The following COL6A3 variants were observed in gnomAD, a reference collection of about 807,000 sequenced individuals.
COL6A3 encodes collagen alpha-3(VI) chain.
COL6A3 carries 137 observed loss-of-function variants against 274.1 expected under a neutral mutation model. The ratio of observed to expected loss-of-function variants is 0.50; its 90% confidence interval spans 0.44 to 0.58. The LOEUF (loss-of-function observed/expected upper bound fraction) is 0.58. Ranked by LOEUF, COL6A3 falls within the 20% of genes least tolerant of loss-of-function variation. COL6A3 has a pLI of 0.00. For synonymous variants in COL6A3, 1,650 were observed against 1,650.6 expected, an observed-to-expected ratio of 1.00 and a Z score of 0.01; for missense variants, 3,950 against 4,124.9, an observed-to-expected ratio of 0.96 and a Z score of 1.16.
chr2:237,406,296 G>A (rs1343354442), intron 1 of COL6A3, among the ~76,000 whole-genome samples: 1 of 152,114 alleles, frequency 6.6e-6, no homozygotes, highest in Non-Finnish European at 1.5e-5. Flanking sequence ...TTAAGAAAGA[G>A]ACACACACGC....
At chr2:237,367,807 T>A (rs1210528986) in intron 10 of COL6A3, among the ~76,000 whole-genome samples, 1 of 152,174 alleles carries the variant, frequency 6.6e-6, no homozygotes, top group Non-Finnish European at 1.5e-5. Context: ...GAGAGCTTTG[T>A]AGGAGCTGGC....
chr2:237,366,912 C>T lies in COL6A3; in HGVS notation c.5275G>A (p.Ala1759Thr), dbSNP rs2077568106. 1 of 1,614,252 alleles carries T rather than the reference C, an allele frequency of 6.2e-7. No individual in the cohort carries two copies. The highest frequency in any genetic ancestry group is 8.5e-7 in the Non-Finnish European group (1 of 1,180,044). Residue 1759 changes from alanine to threonine, a missense_variant, in exon 11 of 44, where the codon GCA (alanine) becomes ACA (threonine). By Grantham distance (58) the Ala-to-Thr change is moderately conservative. This residue lies in a region of COL6A3 where 632 missense variants were observed against 623.4 expected (regional missense o/e 1.01). Coordinates refer to ENST00000295550, the MANE Select transcript of COL6A3 (RefSeq NM_004369.4). ...VITGGKSVED[A>T]QDVSLALTQR... ...GTGAGGGCCAGGCTCACATCCTGTG[C>T]ATCTTCCACCGACTTTCCTCCCGTG... is the stretch of plus-strand genomic sequence containing the variant.
At position 237,413,408 on chromosome 2, in the gene COL6A3, G is replaced by C. The variant is rs1196989414; in HGVS notation, c.-31+545C>G. On this transcript the variant is annotated intron_variant, in intron 1 of 43. Coordinates refer to ENST00000295550, the MANE Select transcript of COL6A3 (RefSeq NM_004369.4). This position sits in a 1 kb window ranked among gnomAD's most constrained non-coding sequence, Gnocchi z 4.0. ...TACTTGGCCCTGATCCTGAGCACCAGAGTTACTCCAATCTTGTGAAAGCAG... is the reference window on the plus strand; with the variant it reads ...TACTTGGCCCTGATCCTGAGCACCACAGTTACTCCAATCTTGTGAAAGCAG... 2.0e-5 allele frequency among the ~76,000 whole-genome samples: 3 copies of C among 152,224 alleles called. No homozygotes were observed. The highest frequency in any genetic ancestry group is 4.4e-5 in the Non-Finnish European group (3 of 68,038).
Position 237,366,806 on chromosome 2 carries a change from G to A in COL6A3, c.5381C>T (p.Ala1794Val). The change falls in exon 11 of 44, where the codon GCC becomes GTC. Residue 1794 changes from alanine (A) to valine (V), a missense_variant. Coordinates refer to ENST00000295550, the MANE Select transcript of COL6A3 (RefSeq NM_004369.4). ...EEVGKIASNS[A>V]TAFRVGNVQE... ...GACGTTGCCCACGCGGAACGCTGTG[G>A]CGCTGTTGGACGCTATCTTTCCAAC... is the stretch of plus-strand genomic sequence containing the variant. 6.2e-7 allele frequency: 1 copy of A among 1,614,250 alleles called. No homozygotes were observed. Among genetic ancestry groups the A allele is most frequent in the South Asian group, 1.1e-5 (1 of 91,088 alleles).
At chr2:237,352,037 C>T (rs528787734) in intron 26 of COL6A3, among the ~76,000 whole-genome samples, 46 of 152,350 alleles carry the variant, frequency 3.0e-4, no homozygotes, top group African/African-American at 1.1e-3. Flanking sequence ...TGTGTCTCTG[C>T]TCATCATTGC....
Position 237,333,483 on chromosome 2 carries a change from C to A in COL6A3, c.9295G>T (p.Val3099Leu). 1 of 1,614,196 alleles carries A rather than the reference C, an allele frequency of 6.2e-7. No homozygotes were observed. Among genetic ancestry groups the A allele is most frequent in the Non-Finnish European group, 8.5e-7 (1 of 1,180,032 alleles). Residue 3099 changes from valine (V) to leucine (L), a missense_variant, in exon 42 of 44, where the codon GTG becomes TTG. Physicochemically the swap from Val to Leu is conservative, Grantham distance 32. This residue lies in a region of COL6A3 where 1,284 missense variants were observed against 1,349.7 expected (regional missense o/e 0.95). Coordinates refer to ENST00000295550, the MANE Select transcript of COL6A3 (RefSeq NM_004369.4). ...GTGAGAGCCAATGGTTCTGTGCTCA[C>A]CATTAGATTGATGGTTGAACTAGAA... is the stretch of plus-strand genomic sequence containing the variant. ...SASSSTINLMVSTEPLALTET... is the reference protein window; with the variant it reads ...SASSSTINLMLSTEPLALTET...
intron 24 of COL6A3, among the ~76,000 whole-genome samples, chr2:237,353,731 T>C (rs1226132423): frequency 6.6e-6 from 1 of 152,144 alleles, no homozygotes; most frequent in African/African-American, 2.4e-5. Flanking sequence ...GGTGAGCACG[T>C]TCTGGAAGAG....
Position 237,375,014 on chromosome 2 carries a change from C to A in COL6A3, c.3077G>T (p.Gly1026Val). The change falls in exon 8 of 44, where the codon GGT (glycine) becomes GTT (valine). Residue 1026 changes from glycine to valine, a missense_variant. Coordinates refer to ENST00000295550, the MANE Select transcript of COL6A3 (RefSeq NM_004369.4). ...AAGCAGAAACACCACGTCCTTTTCA[C>A]CTGAAACTGGGAGGAGGACAGCCTG... ...VHNGAPAPVSGEKDVVFLLDG... is the reference protein window; with the variant it reads ...VHNGAPAPVSVEKDVVFLLDG... 1 of 1,613,712 alleles carries A rather than the reference C, an allele frequency of 6.2e-7. No individual in the cohort carries two copies.
rs768451017 is a variant in COL6A3 at position 237,395,190 on chromosome 2, C to T, written c.106G>A (p.Ala36Thr). ...ACTAGAAATATTATATCAGCAGCCGCACCATTTTTGACATCTTTAAAAAAA... is the reference window on the plus strand; with the variant it reads ...ACTAGAAATATTATATCAGCAGCCGTACCATTTTTGACATCTTTAAAAAAA... ...QQQQADVKNG[A>T]AADIIFLVDS... The change falls in exon 3 of 44, where the codon GCG (alanine) becomes ACG (threonine). Residue 36 changes from alanine (A) to threonine (T), a missense_variant. By Grantham distance (58) the Ala-to-Thr change is moderately conservative. Around this residue, in one of 5 missense-constraint regions of COL6A3, gnomAD observed 1,934 missense variants for 1,984.3 expected, o/e 0.97. Coordinates refer to ENST00000295550, the MANE Select transcript of COL6A3 (RefSeq NM_004369.4). 3.7e-6 allele frequency: 6 copies of T among 1,613,256 alleles called. No individual in the cohort carries two copies. The African/African-American group carries it at 6.7e-5, about 18-fold the overall frequency.
chr2:237,404,274 G>GA (rs1316301073), intron 1 of COL6A3, among the ~76,000 whole-genome samples: 1 of 152,102 alleles, frequency 6.6e-6, no homozygotes, highest in Non-Finnish European at 1.5e-5. Flanking sequence ...TGCATCTATG[G>GA]ATGAGGGTTT....
At chr2:237,369,835 T>G (rs757196692) in intron 9 of COL6A3, among the ~76,000 whole-genome samples, 2 of 151,970 alleles carry the variant, frequency 1.3e-5, no homozygotes, top group African/African-American at 2.4e-5. Context: ...CTATTTCCTT[T>G]TCTTTCTTTT....
chr2:237,364,614 A>G lies in COL6A3; in HGVS notation c.5839-186T>C, dbSNP rs1412019408. ...GATATTGCACTTAAAATGGAGGAGT[A>G]TATTTGAGTGCTTAATTTATTTTAA... On this transcript the variant is annotated intron_variant, in intron 12 of 43. Transcript: ENST00000295550. This position sits in a 1 kb window ranked among gnomAD's most constrained non-coding sequence, Gnocchi z 4.6. Among the ~76,000 whole-genome samples the G allele has an allele frequency of 6.6e-6, 1 of 152,256 alleles. No homozygotes were observed. The highest frequency in any genetic ancestry group is 6.5e-5 in the Admixed American group (1 of 15,290).
intron 14 of COL6A3, 106 bp downstream of exon 14, chr2:237,363,147 C>A (rs959693277): frequency 2.7e-5 from 31 of 1,131,306 alleles, no homozygotes; most frequent in Middle Eastern, 4.6e-4. Flanking sequence ...ACCAAGGCCC[C>A]CCCCCCACCT....
intron 1 of COL6A3, among the ~76,000 whole-genome samples, chr2:237,401,657 A>C (rs1439395897): frequency 6.6e-6 from 1 of 151,670 alleles, no homozygotes; most frequent in Non-Finnish European, 1.5e-5. Flanking sequence ...TTCTCCTAGG[A>C]CTTTGCACTG....
chr2:237,381,140 C>A lies in COL6A3; in HGVS notation c.1672G>T (p.Gly558Cys). The A allele has an allele frequency of 6.2e-7, 1 of 1,614,254 alleles. No individual in the cohort carries two copies. Among genetic ancestry groups the A allele is most frequent in the Non-Finnish European group, 8.5e-7 (1 of 1,180,048 alleles). ...CTGATTTCATCTAGGGACTTACCAC[C>A]TGTGATCAGCACCAAAAGCTTAGGA... ...GIPKLLVLIT[G>C]GKSLDEISQP... The change falls in exon 5 of 44, where the codon GGT (glycine) becomes TGT (cysteine). Residue 558 changes from glycine (G) to cysteine (C), a missense_variant. Physicochemically the swap from Gly to Cys is radical, Grantham distance 159. This residue lies in a region of COL6A3 where 1,934 missense variants were observed against 1,984.3 expected (regional missense o/e 0.97). Coordinates refer to ENST00000295550, the MANE Select transcript of COL6A3 (RefSeq NM_004369.4).
At chr2:237,349,221 C>T (rs895332627) in intron 28 of COL6A3, among the ~76,000 whole-genome samples, 3 of 151,812 alleles carry the variant, frequency 2.0e-5, no homozygotes, top group African/African-American at 7.3e-5. Context: ...AACTGGACGT[C>T]ATTAATTATG....
rs139883752 is a variant in COL6A3, at chr2:237,336,474, G to C, written c.8626C>G (p.Pro2876Ala). 9.9e-6 allele frequency: 16 copies of C among 1,614,108 alleles called. No individual in the cohort carries two copies. Among genetic ancestry groups the C allele is most frequent in the Non-Finnish European group, 1.4e-5 (16 of 1,180,056 alleles). The change falls in exon 40 of 44, where the codon CCG becomes GCG. Residue 2876 changes from proline to alanine, a missense_variant. Transcript: ENST00000295550. ...PTSNPVTTTK[P>A]VTTTKPVTTT... The stretch of plus-strand genomic sequence containing the variant: ...GTCACCGGCTTCGTCGTAGTCACCG[G>C]CTTCGTTGTCGTCACTGGGTTGGAT...
At chr2:237,388,558 C>G (rs1165283518) in intron 3 of COL6A3, among the ~76,000 whole-genome samples, 6 of 152,120 alleles carry the variant, frequency 3.9e-5, no homozygotes, top group Non-Finnish European at 7.4e-5. Flanking sequence ...CCAAACCTAC[C>G]AGGGAAAATC....
rs760281815 is a variant in COL6A3 at position 237,361,878 on chromosome 2, C to T, written c.6064-47G>A. ...AAATGTTCAGATCTCAAGAAATGCC[C>T]AGCAGAAAATCATAAATGCGCTTTA... On this transcript the variant is annotated intron_variant, in intron 14 of 43. Transcript: ENST00000295550. This position sits in a 1 kb window ranked among gnomAD's most constrained non-coding sequence, Gnocchi z 5.1. 1 of 1,543,664 alleles carries T rather than the reference C, an allele frequency of 6.5e-7. No individual in the cohort carries two copies. The highest frequency in any genetic ancestry group is 1.1e-5 in the South Asian group (1 of 89,672).
Sources: allele counts gnomAD v4.1 joint callset (sites outside exome capture counted in the v4.1 genomes callset), GRCh38; gene constraint gnomAD v4.1.1; regional missense constraint gnomAD v4.1.1; non-coding constraint Gnocchi (gnomAD v3.1); transcripts MANE v1.5; gene names NCBI Gene and HGNC (gene_info 2026-07-23, HGNC 2026-07-21).